The following ZNF804B variants were observed in gnomAD, a reference collection of about 807,000 sequenced individuals.
ZNF804B encodes zinc finger protein 804B, also known as zinc finger 804B.
ZNF804B carries 80 observed loss-of-function variants against 101.4 expected under a neutral mutation model. The ratio of observed to expected loss-of-function variants is 0.79; its 90% confidence interval spans 0.66 to 0.95. ZNF804B has a LOEUF of 0.95. ZNF804B is among the 40% of genes least tolerant of loss of function. The pLI, the probability that ZNF804B is intolerant of heterozygous loss-of-function variation, is 0.00. For synonymous variants in ZNF804B, 622 were observed against 558.8 expected, an observed-to-expected ratio of 1.11 and a Z score of -1.59; for missense variants, 1,673 against 1,561.9, an observed-to-expected ratio of 1.07 and a Z score of -1.20.
At chr7:88,964,538 A>C (rs2116097130) in intron 1 of ZNF804B, among the ~76,000 whole-genome samples, 1 of 151,566 alleles carries the variant, frequency 6.6e-6, no homozygotes, top group South Asian at 2.1e-4. Flanking sequence ...GATGGTGAGG[A>C]GTTATTGTTT....
intron 1 of ZNF804B, among the ~76,000 whole-genome samples, chr7:88,967,148 T>G (rs1793467381): frequency 2.0e-5 from 3 of 151,574 alleles, no homozygotes. Context: ...TGATGCACAT[T>G]GCTATGAAGA....
At chr7:88,885,555 C>T (rs138631763) in intron 1 of ZNF804B, among the ~76,000 whole-genome samples, 19 of 150,192 alleles carry the variant, frequency 1.3e-4, no homozygotes, top group African/African-American at 4.6e-4. Context: ...AAGTTTGGAC[C>T]ATATTAAATA....
intron 1 of ZNF804B, among the ~76,000 whole-genome samples, chr7:89,091,361 A>G (rs1488257647): frequency 6.6e-6 from 1 of 152,210 alleles, no homozygotes; most frequent in Non-Finnish European, 1.5e-5. Flanking sequence ...AGAAACAAAT[A>G]TGTAGTAACA....
intron 2 of ZNF804B, among the ~76,000 whole-genome samples, chr7:89,269,398 CT>C (rs1448849531): frequency 6.6e-6 from 1 of 152,110 alleles, no homozygotes; most frequent in Non-Finnish European, 1.5e-5. Flanking sequence ...TGAACTCATC[CT>C]TTTTTATGGC....
At chr7:89,265,265 AGTGTGTGTGTGT>A (rs71102029) in intron 2 of ZNF804B, among the ~76,000 whole-genome samples, 297 of 145,226 alleles carry the variant, frequency 2.0e-3, no homozygotes, top group South Asian at 9.8e-3. Context: ...AGGTTAAGTC[AGTGTGTGTGTGT>A]GTGTGTGTGT....
intron 2 of ZNF804B, among the ~76,000 whole-genome samples, chr7:89,311,522 T>C (rs918641586): frequency 6.6e-6 from 1 of 152,198 alleles, no homozygotes; most frequent in African/African-American, 2.4e-5. Context: ...TAATCAAATA[T>C]TTAGTCAAGA....
intron 1 of ZNF804B, among the ~76,000 whole-genome samples, chr7:88,943,198 G>A (rs1367096327): frequency 6.6e-6 from 1 of 151,908 alleles, no homozygotes; most frequent in Non-Finnish European, 1.5e-5. Flanking sequence ...TGTTGTTACA[G>A]AAAAGGTATT....
At chr7:89,061,946 G>T (rs975175437) in intron 1 of ZNF804B, among the ~76,000 whole-genome samples, 1 of 151,816 alleles carries the variant, frequency 6.6e-6, no homozygotes, top group African/African-American at 2.4e-5. Flanking sequence ...CAGTTATCTT[G>T]GTTTCCTTCA....
intron 1 of ZNF804B, among the ~76,000 whole-genome samples, chr7:89,214,991 T>G (rs1403128479): frequency 6.6e-6 from 1 of 152,208 alleles, no homozygotes; most frequent in Non-Finnish European, 1.5e-5. Context: ...AAATATCAGT[T>G]GCCTCTTTTG....
chr7:89,093,901 A>C (rs1789932444), intron 1 of ZNF804B, among the ~76,000 whole-genome samples: 1 of 152,216 alleles, frequency 6.6e-6, no homozygotes, highest in Admixed American at 6.5e-5. Flanking sequence ...AACTTTGAGA[A>C]ACCACTCAAA....
chr7:88,875,537 C>T (rs375232464), intron 1 of ZNF804B, among the ~76,000 whole-genome samples: 2,076 of 151,996 alleles, frequency 0.014, 35 homozygotes, highest in African/African-American at 0.031. Context: ...AACACCTCTA[C>T]GCAAATAAAC....
rs192610673 is a variant in ZNF804B, at chr7:89,158,051, G to A, written c.109-60104G>A. Among the ~76,000 whole-genome samples the A allele has an allele frequency of 5.3e-4, 81 of 152,066 alleles. 2 individuals are homozygous for A. In the East Asian group the frequency reaches 0.014, roughly 26 times the overall value. ...GTTAATTTCAGGAAGCCTCATAAGCGCTGTTTTTTTTCATGGCAATGAAAC... is the reference window on the plus strand; with the variant it reads ...GTTAATTTCAGGAAGCCTCATAAGCACTGTTTTTTTTCATGGCAATGAAAC... On this transcript the variant is annotated intron_variant, in intron 1 of 3. Transcript: ENST00000333190.
chr7:89,273,643 T>G (rs1789932442), intron 2 of ZNF804B, among the ~76,000 whole-genome samples: 1 of 152,178 alleles, frequency 6.6e-6, no homozygotes, highest in Admixed American at 6.5e-5. Context: ...TATTATTTTA[T>G]ATTTATGAAG....
chr7:88,870,309 C>G (rs528149297), intron 1 of ZNF804B, among the ~76,000 whole-genome samples: 1 of 142,650 alleles, frequency 7.0e-6, no homozygotes, highest in Non-Finnish European at 1.5e-5. Context: ...GGCGTGAACC[C>G]GGGAGGCGGA....
At chr7:88,979,600 TTTTC>T (rs1449885450) in intron 1 of ZNF804B, among the ~76,000 whole-genome samples, 4 of 118,430 alleles carry the variant, frequency 3.4e-5, no homozygotes, top group African/African-American at 1.2e-4. Context: ...TCTTTTTTCT[TTTTC>T]TTTCTTTTTT....
intron 1 of ZNF804B, among the ~76,000 whole-genome samples, chr7:89,178,290 G>C (rs1161935630): frequency 8.9e-6 from 1 of 111,982 alleles, no homozygotes; most frequent in Non-Finnish European, 1.8e-5. Context: ...GATAAGCAAG[G>C]ATTTACTCCT....
intron 1 of ZNF804B, among the ~76,000 whole-genome samples, chr7:89,090,709 T>C (rs1423278650): frequency 6.6e-6 from 1 of 151,944 alleles, no homozygotes; most frequent in Non-Finnish European, 1.5e-5. Flanking sequence ...AAATACACAG[T>C]TTTTCAATGG....
chr7:88,905,808 A>C (rs1792460876), intron 1 of ZNF804B, among the ~76,000 whole-genome samples: 1 of 151,710 alleles, frequency 6.6e-6, no homozygotes, highest in African/African-American at 2.4e-5. Context: ...CTTCTCCCTG[A>C]CAATTTGAAA....
At chr7:88,951,956 G>T (rs1006034623) in intron 1 of ZNF804B, among the ~76,000 whole-genome samples, 1 of 151,784 alleles carries the variant, frequency 6.6e-6, no homozygotes, top group African/African-American at 2.4e-5. Flanking sequence ...TATCCAGCTG[G>T]TAGTGGGTGG....
Sources: gnomAD v4.1 joint callset for allele counts (sites outside exome capture counted in the v4.1 genomes callset) on GRCh38, gnomAD v4.1.1 for gene constraint, MANE v1.5 for transcripts, NCBI Gene and HGNC (gene_info 2026-07-23, HGNC 2026-07-21) for gene names.